GRIP1: variants seen among roughly 807,000 people sequenced by gnomAD.
The protein encoded by GRIP1 is glutamate receptor-interacting protein 1.
Under a neutral mutation model 129.9 loss-of-function variants are expected in GRIP1, and 45 were observed. The observed-to-expected ratio is 0.35, with a 90% CI of 0.27 to 0.44. GRIP1 has a LOEUF of 0.44. Among genes scored for constraint, GRIP1 ranks in the 20% least tolerant of loss-of-function variants. The probability of loss-of-function intolerance (pLI) is 1.00; values close to 1 mark genes in which losing one functional copy is unlikely to be tolerated. For synonymous variants in GRIP1, 530 were observed against 520.8 expected (o/e 1.02, Z -0.24); for missense variants, 1,196 against 1,396.8 (o/e 0.86, Z 2.29).
intron 20 of GRIP1, among the ~76,000 whole-genome samples, chr12:66,378,765 A>G (rs2055944296): frequency 6.6e-6 from 1 of 151,934 alleles, no homozygotes; most frequent in African/African-American, 2.4e-5. Flanking sequence ...ATAAAAAATA[A>G]AAGTAATACA....
chr12:66,804,548 A>T (rs2038948245), upstream of GRIP1, among the ~76,000 whole-genome samples: 1 of 152,184 alleles, frequency 6.6e-6, no homozygotes, highest in Admixed American at 6.5e-5. Context: ...AGTTCAAGAG[A>T]TTCAGCTGAG....
intron 1 of GRIP1, among the ~76,000 whole-genome samples, chr12:66,919,239 CTG>C (rs2041174888): frequency 6.6e-6 from 1 of 152,196 alleles, no homozygotes; most frequent in African/African-American, 2.4e-5. Flanking sequence ...TGCATGGGAC[CTG>C]TCCTTCTTTA....
At chr12:66,438,064 C>A (rs934712653) in intron 13 of GRIP1, among the ~76,000 whole-genome samples, 4 of 152,214 alleles carry the variant, frequency 2.6e-5, no homozygotes, top group Non-Finnish European at 4.4e-5. Context: ...CAATAATTAA[C>A]CATTAATGTT....
intron 7 of GRIP1, among the ~76,000 whole-genome samples, chr12:66,502,139 C>T (rs1035147900): frequency 3.3e-5 from 5 of 151,950 alleles, no homozygotes; most frequent in African/African-American, 1.2e-4. Flanking sequence ...TTATCAGGTC[C>T]AGAGACAGAA....
chr12:66,699,474 G>C (rs891861678), intron 1 of GRIP1, among the ~76,000 whole-genome samples: 1 of 152,112 alleles, frequency 6.6e-6, no homozygotes, highest in Admixed American at 6.5e-5. Context: ...AGTCTCATGA[G>C]ATCTGATGGT....
chr12:66,539,000 GTAT>G, intron 4 of GRIP1, 75 bp downstream of exon 4: 1 of 1,170,070 alleles, frequency 8.5e-7, no homozygotes, highest in Non-Finnish European at 1.3e-6. Flanking sequence ...ATAGGGTTTG[GTAT>G]TATGAGCAGT....
At chr12:66,653,271 A>C (rs2032928875) in intron 1 of GRIP1, among the ~76,000 whole-genome samples, 1 of 152,238 alleles carries the variant, frequency 6.6e-6, no homozygotes, top group Admixed American at 6.5e-5. Context: ...ATAACTTTCC[A>C]AATATCTCTT....
chr12:66,880,653 A>T (rs2464268), intron 1 of GRIP1, among the ~76,000 whole-genome samples: 144,577 of 152,196 alleles, frequency 0.95, 69,106 homozygotes, highest in East Asian at 1. Context: ...TTTTATAATA[A>T]AATTGGAATA....
chr12:66,905,652 T>TA (rs1416657605), intron 1 of GRIP1, among the ~76,000 whole-genome samples: 2 of 152,194 alleles, frequency 1.3e-5, no homozygotes, highest in East Asian at 3.9e-4. Flanking sequence ...ATTCAACCTT[T>TA]AAAAAACCTT....
At chr12:66,532,117 C>T (rs536343851) in intron 4 of GRIP1, among the ~76,000 whole-genome samples, 3 of 152,290 alleles carry the variant, frequency 2.0e-5, no homozygotes, top group Admixed American at 1.3e-4. Context: ...AGATTATCTA[C>T]GCTATTGTTC....
intron 1 of GRIP1, among the ~76,000 whole-genome samples, chr12:66,795,469 A>G (rs922128798): frequency 1.3e-5 from 2 of 152,206 alleles, no homozygotes; most frequent in African/African-American, 2.4e-5. Context: ...GAAACTACAC[A>G]TAAATTTTAA....
chr12:66,481,040 C>G (rs1467036039), intron 7 of GRIP1, among the ~76,000 whole-genome samples: 1 of 151,972 alleles, frequency 6.6e-6, no homozygotes, highest in Non-Finnish European at 1.5e-5. Flanking sequence ...GCAATGGCAA[C>G]AAAAGCCAAA....
At chr12:66,792,029 G>A (rs533387719) in intron 1 of GRIP1, among the ~76,000 whole-genome samples, 37 of 152,262 alleles carry the variant, frequency 2.4e-4, no homozygotes, top group African/African-American at 8.9e-4. Context: ...TTTCTCATGA[G>A]AAAGAGGTGG....
chr12:67,040,831 G>T (rs2043166199), intron 1 of GRIP1, among the ~76,000 whole-genome samples: 1 of 152,220 alleles, frequency 6.6e-6, no homozygotes, highest in East Asian at 1.9e-4. Context: ...ACAGTGCCCA[G>T]ATACTCAGTC....
intron 1 of GRIP1, among the ~76,000 whole-genome samples, chr12:66,940,952 T>G (rs1174591455): frequency 1.3e-5 from 2 of 152,170 alleles, no homozygotes; most frequent in African/African-American, 4.8e-5. Flanking sequence ...ATTTTCCATT[T>G]CTGATATCAG....
At chr12:66,576,427 T>A (rs1472943733) in intron 2 of GRIP1, among the ~76,000 whole-genome samples, 6 of 152,238 alleles carry the variant, frequency 3.9e-5, no homozygotes, top group Non-Finnish European at 5.9e-5. Context: ...AATTCATTGC[T>A]AAGAAGAGTA....
chr12:66,500,867 T>C (rs776780348), intron 7 of GRIP1, among the ~76,000 whole-genome samples: 10 of 152,208 alleles, frequency 6.6e-5, no homozygotes, highest in Non-Finnish European at 1.3e-4. Context: ...ACATTGTATA[T>C]TGGTGTGCTC....
At chr12:66,621,188 C>T (rs1298531339) in intron 1 of GRIP1, among the ~76,000 whole-genome samples, 2 of 152,090 alleles carry the variant, frequency 1.3e-5, no homozygotes, top group Non-Finnish European at 2.9e-5. Flanking sequence ...GTTGTGCACC[C>T]ATCACCCCTA....
intron 1 of GRIP1, among the ~76,000 whole-genome samples, chr12:66,880,311 C>T (rs2040457626): frequency 6.6e-6 from 1 of 152,066 alleles, no homozygotes; most frequent in African/African-American, 2.4e-5. Flanking sequence ...TGGGTGAAAA[C>T]TTTAGGATAA....
Sources: gnomAD v4.1 joint callset for allele counts (sites outside exome capture counted in the v4.1 genomes callset) on GRCh38, gnomAD v4.1.1 for gene constraint, MANE v1.5 for transcripts, NCBI Gene and HGNC (gene_info 2026-07-23, HGNC 2026-07-21) for gene names.